PLEKHA5: variants seen among roughly 807,000 people sequenced by gnomAD.
PLEKHA5 encodes the protein pleckstrin homology domain containing A5.
In PLEKHA5, 55 loss-of-function variants were observed where a neutral mutation model predicts 181.9. That is an observed-to-expected ratio of 0.30 (90% CI 0.24 to 0.38). The LOEUF (loss-of-function observed/expected upper bound fraction) is 0.38, where lower values mean the gene tolerates loss of function less well. Ranked by LOEUF, PLEKHA5 falls within the 10% of genes least tolerant of loss-of-function variation. The pLI is 1.00. For missense variants in PLEKHA5, 1,432 were observed against 1,549.5 expected (o/e 0.92, Z 1.27); for synonymous variants, 535 against 529.4 (o/e 1.01, Z -0.15).
chr12:19,298,408 CTTTT>C (rs533661916), intron 15 of PLEKHA5, among the ~76,000 whole-genome samples: 4 of 106,308 alleles, frequency 3.8e-5, no homozygotes, highest in East Asian at 2.8e-4. Context: ...ATTTTTTTAG[CTTTT>C]TTTTTTTTTT....
intron 16 of PLEKHA5, among the ~76,000 whole-genome samples, chr12:19,317,921 C>CTTTTTT (rs71064082): frequency 9.3e-4 from 63 of 67,496 alleles, no homozygotes; most frequent in South Asian, 1.7e-3. Context: ...CAAACCAAAC[C>CTTTTTT]TTTTTTTTTT....
At chr12:19,313,628 A>T (rs2087412666) in intron 15 of PLEKHA5, among the ~76,000 whole-genome samples, 1 of 152,012 alleles carries the variant, frequency 6.6e-6, no homozygotes, top group Admixed American at 6.6e-5. Flanking sequence ...CACTTCCAAA[A>T]AGCAGTTGTA....
intron 3 of PLEKHA5, among the ~76,000 whole-genome samples, chr12:19,179,243 A>G (rs1440953665): frequency 2.0e-5 from 3 of 152,178 alleles, no homozygotes; most frequent in Non-Finnish European, 4.4e-5. Context: ...TCTGTTTAAC[A>G]GTATGTATTA....
At chr12:19,154,331 A>G (rs900799284) in intron 3 of PLEKHA5, 1 of 151,898 alleles carries the variant, frequency 6.6e-6, no homozygotes, top group Non-Finnish European at 1.5e-5. Context: ...TAGTCAACTT[A>G]TGATTGTTGG....
chr12:19,321,165 CAAAA>C (rs964771312), intron 18 of PLEKHA5, among the ~76,000 whole-genome samples: 2 of 127,762 alleles, frequency 1.6e-5, no homozygotes, highest in African/African-American at 5.7e-5. Context: ...GACCCTGCCT[CAAAA>C]AAAAAAAAAA....
chr12:19,211,656 CA>C (rs146274640), intron 3 of PLEKHA5, among the ~76,000 whole-genome samples: 10 of 151,846 alleles, frequency 6.6e-5, no homozygotes, highest in African/African-American at 2.2e-4. Context: ...GACCTAGTCA[CA>C]AAAAAAATTT....
chr12:19,229,617 G>A (rs762038890), intron 3 of PLEKHA5, among the ~76,000 whole-genome samples: 9 of 152,132 alleles, frequency 5.9e-5, no homozygotes, highest in East Asian at 1.9e-4. Flanking sequence ...GAGGCAGTGC[G>A]GACCCAAAGA....
chr12:19,222,604 G>A (rs1046390095), intron 3 of PLEKHA5, among the ~76,000 whole-genome samples: 1 of 152,156 alleles, frequency 6.6e-6, no homozygotes, highest in Non-Finnish European at 1.5e-5. Context: ...ATAAATAAGA[G>A]GAAGTGGAAA....
chr12:19,220,113 TCCCCA>T (rs1169522498), intron 3 of PLEKHA5, among the ~76,000 whole-genome samples: 3 of 119,174 alleles, frequency 2.5e-5, no homozygotes, highest in Admixed American at 9.2e-5. Flanking sequence ...ACTGCTCCCA[TCCCCA>T]CCCCACCCCA....
intron 31 of PLEKHA5, among the ~76,000 whole-genome samples, chr12:19,370,154 A>C (rs1298984127): frequency 6.6e-6 from 1 of 152,238 alleles, no homozygotes; most frequent in Non-Finnish European, 1.5e-5. Context: ...CACGTTGACT[A>C]TGTAATGCTT....
At chr12:19,208,865 T>C (rs2056307702) in intron 3 of PLEKHA5, among the ~76,000 whole-genome samples, 1 of 152,118 alleles carries the variant, frequency 6.6e-6, no homozygotes, top group Non-Finnish European at 1.5e-5. Context: ...TGGAGATAGA[T>C]TGAGTTTCCA....
At chr12:19,231,645 A>G (rs1399410948) in intron 3 of PLEKHA5, among the ~76,000 whole-genome samples, 1 of 66,332 alleles carries the variant, frequency 1.5e-5, no homozygotes, top group East Asian at 2.6e-4. Context: ...TTTTATATTC[A>G]TCATATTTAT....
chr12:19,307,722 A>C (rs184485161), intron 15 of PLEKHA5, among the ~76,000 whole-genome samples: 7 of 152,244 alleles, frequency 4.6e-5, no homozygotes, highest in East Asian at 1.9e-4. Flanking sequence ...CAGAAGGTCA[A>C]GGAGCACATC....
intron 3 of PLEKHA5, among the ~76,000 whole-genome samples, chr12:19,189,415 T>C (rs1020712548): frequency 2.0e-5 from 3 of 152,126 alleles, no homozygotes; most frequent in Non-Finnish European, 2.9e-5. Flanking sequence ...ATAGACTACA[T>C]AGGATTTCTT....
At position 19,317,921 on chromosome 12, in the gene PLEKHA5, C is replaced by CTT. The variant is rs71064082; in HGVS notation, c.2119-2077_2119-2076dup. Among the ~76,000 whole-genome samples the CTT allele has an allele frequency of 5.9e-3, 397 of 67,376 alleles. 4 individuals carry two copies. The highest frequency in any genetic ancestry group is 0.015 in the African/African-American group (245 of 16,840). The allele number at this position is 67,376 out of a possible 152,430, so 44.2% of individuals were successfully genotyped here. On this transcript the variant is annotated intron_variant, in intron 16 of 31. Transcript: ENST00000429027. The stretch of plus-strand genomic sequence containing the variant: ...TTCGAATGAAGTATTCAAACCAAAC[C>CTT]TTTTTTTTTTTTTTTTTTTTTTTTG...
At chr12:19,199,205 T>C in intron 3 of PLEKHA5, among the ~76,000 whole-genome samples, 1 of 152,202 alleles carries the variant, frequency 6.6e-6, no homozygotes, top group East Asian at 1.9e-4. Context: ...CTAAGACTCT[T>C]GCAAATATAA....
intron 3 of PLEKHA5, among the ~76,000 whole-genome samples, chr12:19,247,699 C>T (rs968808867): frequency 1.3e-5 from 2 of 151,294 alleles, no homozygotes; most frequent in African/African-American, 4.9e-5. Context: ...AAAACAATGC[C>T]AAGCCCAAGC....
chr12:19,319,752 A>T (rs2090125392), intron 16 of PLEKHA5: 3 of 280,956 alleles, frequency 1.1e-5, no homozygotes, highest in Non-Finnish European at 2.0e-5. Context: ...ACTGACTGGG[A>T]TGGCTATTGA....
At chr12:19,153,815 C>T (rs759455516) in intron 3 of PLEKHA5, 2 of 152,068 alleles carry the variant, frequency 1.3e-5, no homozygotes, top group Non-Finnish European at 2.9e-5. Flanking sequence ...GTGAAATTGC[C>T]CTGTAATTTT....
Sources: allele counts gnomAD v4.1 joint callset (sites outside exome capture counted in the v4.1 genomes callset), GRCh38; gene constraint gnomAD v4.1.1; transcripts MANE v1.5; gene names NCBI Gene and HGNC (gene_info 2026-07-23, HGNC 2026-07-21).